B4GALNT2: variants seen among roughly 807,000 people sequenced by gnomAD.
The protein encoded by B4GALNT2 is N-acetylneuraminylgalactosylglucosyl-glucoside beta-1,4-N- acetylgalactosaminyltransferase 2.
B4GALNT2 carries 42 observed loss-of-function variants against 51.1 expected under a neutral mutation model. The observed-to-expected ratio is 0.82, with a 90% CI of 0.64 to 1.06. The LOEUF (loss-of-function observed/expected upper bound fraction) is 1.06, where lower values mean the gene tolerates loss of function less well. Among genes scored for constraint, B4GALNT2 ranks in the 50% least tolerant of loss-of-function variants. The pLI, the probability that B4GALNT2 is intolerant of heterozygous loss-of-function variation, is 0.00. For synonymous variants in B4GALNT2, 253 were observed against 251.7 expected, an observed-to-expected ratio of 1.01 and a Z score of -0.05; for missense variants, 602 against 633.6, an observed-to-expected ratio of 0.95 and a Z score of 0.54.
rs8074457 is a variant in B4GALNT2 at position 49,164,242 on chromosome 17, T to C, written c.921T>C (p.Asn307=). ...AGAAGCCCCTGGAAATTAAAGACAA[T>C]CACGTGGAGTATTACACTATGCCCT... is the stretch of plus-strand genomic sequence containing the variant. ...DSQKPLEIKD[N]HVEYYTMPFG... The change falls in exon 8 of 11, where the codon AAT becomes AAC. Residue 307 remains asparagine, a synonymous_variant. Coordinates refer to ENST00000393354, the MANE Select transcript of B4GALNT2 (RefSeq NM_001159387.2). The C allele has an allele frequency of 1, 1,612,176 of 1,613,662 alleles. 805,358 individuals carry two copies. Among genetic ancestry groups the C allele is most frequent in the East Asian group, 1 (44,882 of 44,882 alleles).
intron 3 of B4GALNT2, among the ~76,000 whole-genome samples, chr17:49,149,969 T>G (rs2042733049): frequency 6.6e-6 from 1 of 152,228 alleles, no homozygotes; most frequent in Non-Finnish European, 1.5e-5. Context: ...CACATTTCCC[T>G]GATTGAAGCT....
intron 9 of B4GALNT2, among the ~76,000 whole-genome samples, chr17:49,167,558 T>C (rs12937118): frequency 0.53 from 79,287 of 150,852 alleles, 21,475 homozygotes; most frequent in South Asian, 0.66. Flanking sequence ...ACCCATTACC[T>C]GCATAACGAA....
intron 3 of B4GALNT2, among the ~76,000 whole-genome samples, chr17:49,143,243 C>T (rs970718340): frequency 1.3e-5 from 2 of 151,168 alleles, no homozygotes; most frequent in Non-Finnish European, 2.9e-5. Flanking sequence ...AGCAAGACTC[C>T]ATCTCAAAAA....
At chr17:49,129,761 G>T (rs557647944), upstream of B4GALNT2, among the ~76,000 whole-genome samples, 17 of 152,242 alleles carry the variant, frequency 1.1e-4, no homozygotes, top group African/African-American at 4.1e-4. Flanking sequence ...CAGAGGAGAG[G>T]TTATCTCAGG....
rs1339392660 is a variant in B4GALNT2, at chr17:49,175,625, GA to G, written c.*5898del. The G allele has an allele frequency of 6.6e-6, 1 of 152,166 alleles. No homozygotes were observed. The highest frequency in any genetic ancestry group is 1.9e-4 in the East Asian group (1 of 5,188). The allele number at this position is 152,166 out of a possible 1,614,324, so 9.4% of individuals were successfully genotyped here. On this transcript the variant is annotated 3_prime_UTR_variant, in exon 11 of 11. Transcript: ENST00000393354. ...TGTGGCACTACTGGCTGTCGTGGGG[GA>G]CAGACATTGTACAGGGGTGAGGGAG...
Position 49,174,653 on chromosome 17 carries a change from C to A in B4GALNT2, c.*4925C>A, listed in dbSNP as rs1316592300. 1 of 152,026 alleles carries A rather than the reference C, an allele frequency of 6.6e-6. No homozygotes were observed. The highest frequency in any genetic ancestry group is 1.9e-4 in the East Asian group (1 of 5,194). 9.4% of individuals were successfully genotyped at this position (152,026 alleles called of 1,614,324 possible). A position where few individuals can be genotyped will look rare whatever the true frequency, so the allele number is the denominator to read the frequency against. On this transcript the variant is annotated 3_prime_UTR_variant, in exon 11 of 11. Coordinates refer to ENST00000393354, the MANE Select transcript of B4GALNT2 (RefSeq NM_001159387.2). ...AGGGGAAAATGTTGGAGCTATGTGT[C>A]CTTTTTCTAATTGTTCAGTAACTAA...
At chr17:49,162,400 A>T (rs1177212551) in intron 7 of B4GALNT2, among the ~76,000 whole-genome samples, 1 of 152,192 alleles carries the variant, frequency 6.6e-6, no homozygotes, top group Non-Finnish European at 1.5e-5. Context: ...CTACTTTCAC[A>T]TCAAAAGGTT....
intron 10 of B4GALNT2, 102 bp from the exon 11 acceptor site, chr17:49,169,421 G>A (rs771155903): frequency 8.8e-7 from 1 of 1,131,806 alleles, no homozygotes; most frequent in African/African-American, 1.5e-5. Context: ...CCCAGTGTAT[G>A]AACTGTGTCC....
At chr17:49,148,769 T>A in intron 3 of B4GALNT2, 1 of 508,698 alleles carries the variant, frequency 2.0e-6, no homozygotes, top group South Asian at 2.7e-5. Flanking sequence ...TTAAAAGGAG[T>A]TCATAGGGCT....
At position 49,162,393 on chromosome 17, in the gene B4GALNT2, C is replaced by T. The variant is rs1472307143; in HGVS notation, c.767-1695C>T. On this transcript the variant is annotated intron_variant, in intron 7 of 10. Transcript: ENST00000393354. The stretch of plus-strand genomic sequence containing the variant: ...CTGAGAAAAGTGCATATGAAAACTA[C>T]TTTCACATCAAAAGGTTTTGGACAG... Among the ~76,000 whole-genome samples the T allele has an allele frequency of 2.0e-5, 3 of 152,124 alleles. No homozygotes were observed. In the East Asian group the frequency reaches 5.8e-4, roughly 29 times the overall value.
At chr17:49,167,777 T>G (rs779352476) in intron 9 of B4GALNT2, among the ~76,000 whole-genome samples, 4 of 151,860 alleles carry the variant, frequency 2.6e-5, no homozygotes, top group Non-Finnish European at 5.9e-5. Flanking sequence ...GCCCGGCTGA[T>G]TTTTGTATTT....
In B4GALNT2 at chr17:49,166,193, T is replaced by C. The variant is rs914999880; in HGVS notation, c.1034T>C (p.Phe345Ser). Residue 345 changes from phenylalanine (F) to serine (S), a missense_variant, in exon 9 of 11, where the codon TTC (phenylalanine) becomes TCC (serine). Phe to Ser is a radical substitution (Grantham distance 155). Coordinates refer to ENST00000393354, the MANE Select transcript of B4GALNT2 (RefSeq NM_001159387.2). ...YVLWVDDDFL[F>S]NEETKIEVLV... Reference sequence around the variant, plus strand: ...CTCTGGGTGGACGATGATTTTCTCTTCAACGAGGAGACCAAGATTGAGGTG... The same window carrying C: ...CTCTGGGTGGACGATGATTTTCTCTCCAACGAGGAGACCAAGATTGAGGTG... 2 of 1,614,058 alleles carry C rather than the reference T, an allele frequency of 1.2e-6. No homozygotes were observed. Among genetic ancestry groups the C allele is most frequent in the African/African-American group, 2.7e-5 (2 of 74,918 alleles).
Position 49,164,321 on chromosome 17 carries a change from G to C in B4GALNT2, c.954+46G>C, listed in dbSNP as rs960467331. On this transcript the variant is annotated intron_variant, in intron 8 of 10. Coordinates refer to ENST00000393354, the MANE Select transcript of B4GALNT2 (RefSeq NM_001159387.2). ...GTGGCACCTGCATTCCAGGACAAGA[G>C]GGCCCCAGGGTCAGGTTCTACCCTG... is the stretch of plus-strand genomic sequence containing the variant. 1.9e-6 allele frequency: 3 copies of C among 1,548,438 alleles called. No individual in the cohort carries two copies. The Admixed American group carries it at 5.0e-5, about 26-fold the overall frequency.
In B4GALNT2 at chr17:49,170,441, A is replaced by G. The variant is rs959988284; in HGVS notation, c.*713A>G. On this transcript the variant is annotated 3_prime_UTR_variant, in exon 11 of 11. Coordinates refer to ENST00000393354, the MANE Select transcript of B4GALNT2 (RefSeq NM_001159387.2). ...TGCCCTGGCATCAGACTCACTCCAGACCTGTTCCAGAATGCCAGGGATTGA... is the reference window on the plus strand; with the variant it reads ...TGCCCTGGCATCAGACTCACTCCAGGCCTGTTCCAGAATGCCAGGGATTGA... 2 of 152,332 alleles carry G rather than the reference A, an allele frequency of 1.3e-5. No homozygotes were observed. The highest frequency in any genetic ancestry group is 2.9e-5 in the Non-Finnish European group (2 of 68,126). The allele number at this position is 152,332 out of a possible 1,614,324, so 9.4% of individuals were successfully genotyped here. A position where few individuals can be genotyped will look rare whatever the true frequency, so the allele number is the denominator to read the frequency against.
chr17:49,172,948 G>A lies in B4GALNT2; in HGVS notation c.*3220G>A, dbSNP rs2042966486. On this transcript the variant is annotated 3_prime_UTR_variant, in exon 11 of 11. Transcript: ENST00000393354. ...GATTAACTCCTCCTGTAAAAGATGA[G>A]GAATGCACCATTTGGCAAGTTGGGC... The A allele has an allele frequency of 1.3e-5, 2 of 152,242 alleles. 1 individual carries two copies. The highest frequency in any genetic ancestry group is 4.8e-5 in the African/African-American group (2 of 41,466). The allele number at this position is 152,242 out of a possible 1,614,324, so 9.4% of individuals were successfully genotyped here.
intron 4 of B4GALNT2, among the ~76,000 whole-genome samples, chr17:49,156,041 TA>T (rs2042806949): frequency 6.6e-6 from 1 of 152,160 alleles, no homozygotes; most frequent in African/African-American, 2.4e-5. Context: ...TTAACTATTT[TA>T]ACCATTTTAA....
At chr17:49,120,348 G>A in the B4GALNT2 span, among the ~76,000 whole-genome samples, 4,016 of 152,236 alleles carry the variant, frequency 0.026, 128 homozygotes, top group East Asian at 0.096. Context: ...GTCAGGGCAC[G>A]AAAAGAGGAC....
At chr17:49,168,203 C>T (rs1567867979) in intron 9 of B4GALNT2, among the ~76,000 whole-genome samples, 1 of 152,206 alleles carries the variant, frequency 6.6e-6, no homozygotes, top group Non-Finnish European at 1.5e-5. Flanking sequence ...AAATGCACAT[C>T]TCTTCCATGA....
chr17:49,140,661 T>G (rs1195962448), intron 1 of B4GALNT2, among the ~76,000 whole-genome samples: 1 of 152,128 alleles, frequency 6.6e-6, no homozygotes, highest in Non-Finnish European at 1.5e-5. Context: ...GTGGTCTTTC[T>G]GTCCTATTTA....
Sources: allele counts gnomAD v4.1 joint callset (sites outside exome capture counted in the v4.1 genomes callset), GRCh38; gene constraint gnomAD v4.1.1; transcripts MANE v1.5; gene names NCBI Gene and HGNC (gene_info 2026-07-23, HGNC 2026-07-21).